Variants in GHR observed in about 807,000 individuals in gnomAD.
GHR encodes GH receptor.
In GHR, 35 loss-of-function variants were observed where a neutral mutation model predicts 67.1. The observed-to-expected ratio is 0.52, with a 90% CI of 0.40 to 0.69. GHR has a LOEUF of 0.69. Among genes scored for constraint, GHR ranks in the 30% least tolerant of loss-of-function variants. GHR has a pLI of 0.00. For missense variants in GHR, 792 were observed against 764.6 expected, an observed-to-expected ratio of 1.04 and a Z score of -0.42; for synonymous variants, 272 against 269.1, an observed-to-expected ratio of 1.01 and a Z score of -0.10.
intron 1 of GHR, chr5:42,465,929 T>G (rs1167737327): frequency 1.4e-6 from 1 of 700,324 alleles, no homozygotes; most frequent in East Asian, 2.5e-5. Flanking sequence ...TGGTCTCCTT[T>G]CTGGTCTTCT....
chr5:42,562,487 T>C (rs1404378824), intron 1 of GHR, among the ~76,000 whole-genome samples: 2 of 152,080 alleles, frequency 1.3e-5, no homozygotes, highest in Non-Finnish European at 2.9e-5. Flanking sequence ...TCACCTCCTG[T>C]TTGGGAGCAT....
chr5:42,647,492 T>A (rs995800176), intron 3 of GHR, among the ~76,000 whole-genome samples: 2 of 150,042 alleles, frequency 1.3e-5, no homozygotes, highest in Non-Finnish European at 2.9e-5. Flanking sequence ...GAAAATGGCA[T>A]GAACCCGGGA....
intron 1 of GHR, among the ~76,000 whole-genome samples, chr5:42,474,249 AAGAC>A (rs1239569560): frequency 2.8e-4 from 34 of 122,652 alleles, no homozygotes; most frequent in African/African-American, 6.1e-4. Context: ...AAGAGAGAGA[AAGAC>A]AGACAGAAAG....
chr5:42,666,767 T>G (rs1384200697), intron 3 of GHR, among the ~76,000 whole-genome samples: 1 of 152,168 alleles, frequency 6.6e-6, no homozygotes, highest in Non-Finnish European at 1.5e-5. Flanking sequence ...ACCTACTGAA[T>G]CTGCATTTTA....
At chr5:42,703,645 G>A (rs1332291235) in intron 6 of GHR, among the ~76,000 whole-genome samples, 1 of 151,932 alleles carries the variant, frequency 6.6e-6, no homozygotes, top group Non-Finnish European at 1.5e-5. Flanking sequence ...TTAGGTAGCA[G>A]GGACATTCGA....
At chr5:42,711,061 A>G in intron 6 of GHR, 146 bp from the exon 7 acceptor site, 1 of 697,936 alleles carries the variant, frequency 1.4e-6, no homozygotes, top group Non-Finnish European at 2.6e-6. Context: ...ATCTTCCTTT[A>G]AATAACAAAT....
intron 1 of GHR, among the ~76,000 whole-genome samples, chr5:42,474,307 A>AAAAGAGAAAG (rs1745173621): frequency 7.4e-6 from 1 of 134,250 alleles, no homozygotes; most frequent in African/African-American, 2.8e-5. Flanking sequence ...GAAAGAAAGA[A>AAAAGAGAAAG]AGAAAGAAAG....
intron 2 of GHR, among the ~76,000 whole-genome samples, chr5:42,600,384 G>A (rs1752312739): frequency 6.6e-6 from 1 of 152,212 alleles, no homozygotes; most frequent in Non-Finnish European, 1.5e-5. Context: ...GGCTCCATAA[G>A]GAGCTCTGGC....
At position 42,674,508 on chromosome 5, in the gene GHR, T is replaced by C. The variant is rs1171636074; in HGVS notation, c.137-14382T>C. ...TGTACCCATTAGTAGTCACTCCCAG[T>C]TTCCCATTCACCTCATTTCCTGGCA... On this transcript the variant is annotated intron_variant, in intron 3 of 9. Transcript: ENST00000230882. Among the ~76,000 whole-genome samples, 4 of 152,148 alleles carry C rather than the reference T, an allele frequency of 2.6e-5. No homozygotes were observed. The East Asian group carries it at 7.7e-4, about 29-fold the overall frequency.
intron 1 of GHR, among the ~76,000 whole-genome samples, chr5:42,456,912 C>G (rs1361954740): frequency 1.2e-4 from 18 of 152,152 alleles, no homozygotes; most frequent in Admixed American, 1.2e-3. Context: ...CCACCCGGGG[C>G]TAAGAGGGAG....
intron 2 of GHR, among the ~76,000 whole-genome samples, chr5:42,617,099 C>T (rs1458773857): frequency 6.6e-6 from 1 of 151,934 alleles, no homozygotes; most frequent in East Asian, 1.9e-4. Flanking sequence ...ATAGAGTATG[C>T]TTTCCATGTA....
intron 3 of GHR, among the ~76,000 whole-genome samples, chr5:42,634,585 A>C (rs1213509950): frequency 2.0e-5 from 3 of 152,078 alleles, no homozygotes; most frequent in East Asian, 3.9e-4. Context: ...CCAGTATCTT[A>C]AGTACTCTTT....
intron 2 of GHR, among the ~76,000 whole-genome samples, chr5:42,618,279 T>C (rs1753267596): frequency 6.6e-6 from 1 of 152,122 alleles, no homozygotes. Flanking sequence ...CTTTCCAAAA[T>C]TGACCTTTAG....
At chr5:42,652,951 C>A (rs899411375) in intron 3 of GHR, among the ~76,000 whole-genome samples, 22 of 152,184 alleles carry the variant, frequency 1.4e-4, no homozygotes, top group African/African-American at 4.6e-4. Context: ...GCAGTGTGAA[C>A]TTTGAAGTAG....
chr5:42,556,529 G>GA, intron 1 of GHR, among the ~76,000 whole-genome samples: 1 of 152,098 alleles, frequency 6.6e-6, no homozygotes, highest in Non-Finnish European at 1.5e-5. Flanking sequence ...TGTAGAAAGA[G>GA]AAAAAAAGTA....
chr5:42,589,729 G>T (rs1041590217), intron 2 of GHR, among the ~76,000 whole-genome samples: 1 of 152,162 alleles, frequency 6.6e-6, no homozygotes, highest in African/African-American at 2.4e-5. Context: ...AGGTTTCCAT[G>T]CATGATGCTT....
intron 1 of GHR, among the ~76,000 whole-genome samples, chr5:42,489,114 A>G (rs938071086): frequency 2.0e-5 from 3 of 151,856 alleles, no homozygotes; most frequent in Non-Finnish European, 4.4e-5. Context: ...TCTGCCCTAT[A>G]CGTATCTGCT....
At chr5:42,440,928 A>G (rs1743537959) in intron 1 of GHR, among the ~76,000 whole-genome samples, 1 of 152,204 alleles carries the variant, frequency 6.6e-6, no homozygotes, top group Non-Finnish European at 1.5e-5. Flanking sequence ...AGGTTGAAGG[A>G]AAGTGAGGAA....
At chr5:42,714,231 C>G (rs1758611605) in intron 8 of GHR, 1 of 152,044 alleles carries the variant, frequency 6.6e-6, no homozygotes, top group Admixed American at 6.6e-5. Flanking sequence ...TTTTAAAGTC[C>G]CAATGGTTAA....
Sources: gnomAD v4.1 joint callset for allele counts (sites outside exome capture counted in the v4.1 genomes callset) on GRCh38, gnomAD v4.1.1 for gene constraint, MANE v1.5 for transcripts, NCBI Gene and HGNC (gene_info 2026-07-23, HGNC 2026-07-21) for gene names.